The following NXPH1 variants were observed in gnomAD, a reference collection of about 807,000 sequenced individuals.
NXPH1 encodes neurexophilin 1.
A neutral mutation model predicts 23.7 loss-of-function variants in NXPH1; 5 were observed. The ratio of observed to expected loss-of-function variants is 0.21; its 90% CI spans 0.11 to 0.44. NXPH1 has a LOEUF of 0.44. Ranked by LOEUF, NXPH1 falls within the 20% of genes least tolerant of loss-of-function variation. The pLI is 0.99. For synonymous variants in NXPH1, 144 were observed against 122.2 expected, an observed-to-expected ratio of 1.18 and a Z score of -1.18; for missense variants, 324 against 321.6, an observed-to-expected ratio of 1.01 and a Z score of -0.06.
chr7:8,672,047 G>T (rs1820876558), intron 2 of NXPH1, among the ~76,000 whole-genome samples: 1 of 152,006 alleles, frequency 6.6e-6, no homozygotes, highest in African/African-American at 2.4e-5. Flanking sequence ...CATTTTGTAG[G>T]TTGCCTGTTC....
chr7:8,667,223 A>T (rs970326082), intron 2 of NXPH1, among the ~76,000 whole-genome samples: 4 of 152,074 alleles, frequency 2.6e-5, no homozygotes, highest in African/African-American at 9.7e-5. Flanking sequence ...ATAATTAGCC[A>T]TTACATTATT....
intron 2 of NXPH1, among the ~76,000 whole-genome samples, chr7:8,532,809 G>T (rs1334099548): frequency 6.6e-6 from 1 of 151,966 alleles, no homozygotes; most frequent in African/African-American, 2.4e-5. Flanking sequence ...TTATACCTCC[G>T]TTTTCTCATT....
chr7:8,603,172 A>G (rs1225129225), intron 2 of NXPH1, among the ~76,000 whole-genome samples: 2 of 152,154 alleles, frequency 1.3e-5, no homozygotes, highest in Non-Finnish European at 2.9e-5. Context: ...CCTAAGAGAT[A>G]TTTGTTGAAT....
intron 2 of NXPH1, among the ~76,000 whole-genome samples, chr7:8,618,408 CTG>C (rs1819792667): frequency 6.6e-6 from 1 of 152,146 alleles, no homozygotes; most frequent in South Asian, 2.1e-4. Flanking sequence ...AGCATCAACA[CTG>C]TGCTAAGAAA....
intron 2 of NXPH1, among the ~76,000 whole-genome samples, chr7:8,698,250 C>A (rs994427904): frequency 2.0e-5 from 3 of 152,110 alleles, no homozygotes; most frequent in African/African-American, 7.2e-5. Context: ...AGGTAATAAA[C>A]CTATTTTCAA....
Position 8,680,143 on chromosome 7 carries a change from C to G in NXPH1, c.55-70865C>G, listed in dbSNP as rs115451595. Among the ~76,000 whole-genome samples, 1,027 of 152,328 alleles carry G rather than the reference C, an allele frequency of 6.7e-3. 17 individuals are homozygous for G. The highest frequency in any genetic ancestry group is 0.023 in the African/African-American group (963 of 41,580). On this transcript the variant is annotated intron_variant, in intron 2 of 2. Transcript: ENST00000405863. Reference sequence around the variant, plus strand: ...TATTCAGTGCCATTTGTGGGTTTTCCTATGCTGGTAATTGTATAAAAGAAA... The same window carrying G: ...TATTCAGTGCCATTTGTGGGTTTTCGTATGCTGGTAATTGTATAAAAGAAA...
chr7:8,529,233 A>G (rs1410853681), intron 2 of NXPH1, among the ~76,000 whole-genome samples: 1 of 152,268 alleles, frequency 6.6e-6, no homozygotes, highest in Non-Finnish European at 1.5e-5. Flanking sequence ...AATCTACAGT[A>G]ATATCTATTT....
intron 2 of NXPH1, among the ~76,000 whole-genome samples, chr7:8,734,012 A>G (rs564565596): frequency 6.6e-6 from 1 of 152,082 alleles, no homozygotes; most frequent in Admixed American, 6.5e-5. Context: ...TTTAGATCTT[A>G]TGTTTAAGTC....
chr7:8,719,137 A>T (rs1779924611), intron 2 of NXPH1, among the ~76,000 whole-genome samples: 1 of 152,214 alleles, frequency 6.6e-6, no homozygotes, highest in Non-Finnish European at 1.5e-5. Flanking sequence ...ATAGTCTCTT[A>T]AAAATTTAAT....
intron 2 of NXPH1, among the ~76,000 whole-genome samples, chr7:8,456,330 A>G (rs1584166660): frequency 6.6e-6 from 1 of 152,192 alleles, no homozygotes; most frequent in East Asian, 1.9e-4. Flanking sequence ...GGAAATAATA[A>G]TGAATGCATA....
intron 2 of NXPH1, among the ~76,000 whole-genome samples, chr7:8,467,500 A>G (rs901080221): frequency 1.3e-5 from 2 of 152,188 alleles, no homozygotes; most frequent in African/African-American, 2.4e-5. Context: ...CTTTCAGACT[A>G]TCTTACATCT....
intron 2 of NXPH1, among the ~76,000 whole-genome samples, chr7:8,653,577 A>G (rs1415928002): frequency 1.3e-5 from 2 of 152,176 alleles, no homozygotes; most frequent in African/African-American, 2.4e-5. Context: ...ATGTTATACT[A>G]CCTTTTTCAA....
At chr7:8,532,439 G>T (rs1392831770) in intron 2 of NXPH1, among the ~76,000 whole-genome samples, 1 of 111,144 alleles carries the variant, frequency 9.0e-6, no homozygotes, top group Non-Finnish European at 1.7e-5. Context: ...ACTCTCACCT[G>T]CTCTGAAATT....
At chr7:8,745,506 G>GTT (rs112416979) in intron 2 of NXPH1, among the ~76,000 whole-genome samples, 13 of 150,368 alleles carry the variant, frequency 8.6e-5, no homozygotes, top group African/African-American at 3.2e-4. Flanking sequence ...AGAATAATAA[G>GTT]TTTTTTTTTC....
At chr7:8,741,413 C>A (rs948206537) in intron 2 of NXPH1, among the ~76,000 whole-genome samples, 4 of 151,996 alleles carry the variant, frequency 2.6e-5, no homozygotes, top group African/African-American at 9.7e-5. Context: ...GATATAAACC[C>A]AGAAGTGGGA....
chr7:8,578,706 C>A (rs1050285058), intron 2 of NXPH1, among the ~76,000 whole-genome samples: 7 of 152,120 alleles, frequency 4.6e-5, no homozygotes, highest in Non-Finnish European at 7.3e-5. Flanking sequence ...AGGGGAGGAA[C>A]ACTTAAATGG....
chr7:8,498,359 T>G (rs1817373674), intron 2 of NXPH1, among the ~76,000 whole-genome samples: 1 of 151,996 alleles, frequency 6.6e-6, no homozygotes, highest in Non-Finnish European at 1.5e-5. Context: ...TGGGAAAAAG[T>G]AGAGTTGATA....
At chr7:8,647,322 A>G (rs770638220) in intron 2 of NXPH1, among the ~76,000 whole-genome samples, 17 of 152,182 alleles carry the variant, frequency 1.1e-4, no homozygotes, top group Non-Finnish European at 2.2e-4. Flanking sequence ...GTCAGCTAGA[A>G]GAGAAAACCT....
intron 2 of NXPH1, among the ~76,000 whole-genome samples, chr7:8,631,519 A>G (rs2349494): frequency 0.28 from 41,917 of 152,092 alleles, 6,236 homozygotes; most frequent in African/African-American, 0.35. Context: ...TTTGTAAACT[A>G]TGCATCCAAC....
Sources: gnomAD v4.1 joint callset for allele counts (sites outside exome capture counted in the v4.1 genomes callset) on GRCh38, gnomAD v4.1.1 for gene constraint, MANE v1.5 for transcripts, NCBI Gene and HGNC (gene_info 2026-07-23, HGNC 2026-07-21) for gene names.